Variants in CD163L1 observed in about 807,000 individuals in gnomAD.
CD163L1 encodes scavenger receptor cysteine-rich type 1 protein M160.
In CD163L1, 124 loss-of-function variants were observed where a neutral mutation model predicts 165.4. The observed-to-expected ratio is 0.75, with a 90% CI of 0.65 to 0.87. CD163L1 has a LOEUF of 0.87. CD163L1 is among the 40% of genes least tolerant of loss of function. CD163L1 has a pLI of 0.00. For missense variants in CD163L1, 1,525 were observed against 1,799.9 expected (o/e 0.85, Z 2.76); for synonymous variants, 585 against 662.2 (o/e 0.88, Z 1.79).
chr12:7,398,621 TGAGA>T lies in CD163L1; in HGVS notation c.1409-41_1409-38del. 1 of 1,503,818 alleles carries T rather than the reference TGAGA, an allele frequency of 6.6e-7. No homozygotes were observed. The highest frequency in any genetic ancestry group is 1.4e-5 in the South Asian group (1 of 73,230). 93.2% of individuals were successfully genotyped at this position (1,503,818 alleles called of 1,614,324 possible). On this transcript the variant is annotated intron_variant, in intron 6 of 19. Coordinates refer to ENST00000313599, the MANE Select transcript of CD163L1 (RefSeq NM_174941.6). This position sits in a 1 kb window ranked among gnomAD's most constrained non-coding sequence, Gnocchi z 4.5. ...ACAAAACCACATATTTGAGATCAAA[TGAGA>T]GAGTCTTTTCAGAAGACTGAAAAGA...
chr12:7,396,938 C>A (rs910880359), intron 7 of CD163L1, among the ~76,000 whole-genome samples: 1 of 151,900 alleles, frequency 6.6e-6, no homozygotes, highest in African/African-American at 2.4e-5. Context: ...GATTTTGGTA[C>A]TAATAGTGGT....
At chr12:7,426,644 C>T (rs1948548301) in intron 4 of CD163L1, among the ~76,000 whole-genome samples, 1 of 151,964 alleles carries the variant, frequency 6.6e-6, no homozygotes, top group Non-Finnish European at 1.5e-5. Context: ...CCCCCAAAAC[C>T]AGGTTGATAG....
At position 7,432,361 on chromosome 12, in the gene CD163L1, A is replaced by G; in HGVS notation, c.766+55T>C. On this transcript the variant is annotated intron_variant, in intron 4 of 19. Coordinates refer to ENST00000313599, the MANE Select transcript of CD163L1 (RefSeq NM_174941.6). The surrounding 1 kb of genome is among the most constrained non-coding windows in gnomAD (Gnocchi z 4.2). The stretch of plus-strand genomic sequence containing the variant: ...ATGATTGACCTTTTTCTTTCCATAC[A>G]TACTGTTTCTAAACAAATTGTTCCT... 1 of 1,336,264 alleles carries G rather than the reference A, an allele frequency of 7.5e-7. No homozygotes were observed. The highest frequency in any genetic ancestry group is 1.0e-6 in the Non-Finnish European group (1 of 956,360). 82.8% of individuals were successfully genotyped at this position (1,336,264 alleles called of 1,614,324 possible). A position where few individuals can be genotyped will look rare whatever the true frequency, so the allele number is the denominator to read the frequency against.
chr12:7,336,423 C>A, the CD163L1 span, among the ~76,000 whole-genome samples: 1 of 152,128 alleles, frequency 6.6e-6, no homozygotes, highest in South Asian at 2.1e-4. Flanking sequence ...AAACCAAACA[C>A]CACATGTTCT....
At chr12:7,383,386 C>T (rs1481259902) in intron 8 of CD163L1, among the ~76,000 whole-genome samples, 2 of 152,190 alleles carry the variant, frequency 1.3e-5, no homozygotes, top group Admixed American at 6.5e-5. Flanking sequence ...GTTGGCCTGA[C>T]ACCACTACTG....
At chr12:7,419,572 T>C (rs1948308723) in intron 4 of CD163L1, among the ~76,000 whole-genome samples, 1 of 151,932 alleles carries the variant, frequency 6.6e-6, no homozygotes, top group South Asian at 2.1e-4. Flanking sequence ...CAAGCTGTTG[T>C]TGCTTGCTGA....
chr12:7,439,231 T>C, intron 2 of CD163L1: 4 of 1,578,440 alleles, frequency 2.5e-6, no homozygotes, highest in Middle Eastern at 1.7e-4. Context: ...CGACAAATTT[T>C]CTTTTTTTGT....
chr12:7,358,072 C>G (rs1373859140), intron 18 of CD163L1, among the ~76,000 whole-genome samples: 2 of 152,074 alleles, frequency 1.3e-5, no homozygotes, highest in African/African-American at 4.8e-5. Flanking sequence ...ATCAACAACT[C>G]TTCTTAGGTC....
At position 7,421,049 on chromosome 12, in the gene CD163L1, G is replaced by GTGTA. The variant is rs1948350669; in HGVS notation, c.766+11366_766+11367insTACA. On this transcript the variant is annotated intron_variant, in intron 4 of 19. Coordinates refer to ENST00000313599, the MANE Select transcript of CD163L1 (RefSeq NM_174941.6). The stretch of plus-strand genomic sequence containing the variant: ...CATATATATATACGTGTATATATAT[G>GTGTA]TATATACGTATATATGTATATATAC... Among the ~76,000 whole-genome samples, 6 of 71,558 alleles carry GTGTA rather than the reference G, an allele frequency of 8.4e-5. No individual in the cohort carries two copies. The South Asian group carries it at 2.2e-3, about 27-fold the overall frequency. 46.9% of individuals were successfully genotyped at this position (71,558 alleles called of 152,430 possible).
chr12:7,396,742 C>T (rs1011376406), intron 7 of CD163L1, among the ~76,000 whole-genome samples: 1 of 152,024 alleles, frequency 6.6e-6, no homozygotes, highest in African/African-American at 2.4e-5. Flanking sequence ...CTGCTGGCCT[C>T]CTCTTCAGAT....
At chr12:7,422,834 T>A (rs1948465545) in intron 4 of CD163L1, among the ~76,000 whole-genome samples, 1 of 151,120 alleles carries the variant, frequency 6.6e-6, no homozygotes, top group Non-Finnish European at 1.5e-5. Flanking sequence ...TAAAACCAGT[T>A]CTTTAAGACC....
chr12:7,377,852 T>C (rs959402498), intron 9 of CD163L1, among the ~76,000 whole-genome samples: 1 of 152,232 alleles, frequency 6.6e-6, no homozygotes, highest in African/African-American at 2.4e-5. Flanking sequence ...AGAGCTCCTC[T>C]TTCTTGAATC....
the CD163L1 span, chr12:7,328,585 C>A: frequency 3.7e-5 from 12 of 328,136 alleles, no homozygotes; most frequent in Admixed American, 4.8e-4. Context: ...AATGACCAAA[C>A]TGACAAAGGT....
rs1947243800 is a variant in CD163L1 at position 7,375,398 on chromosome 12, C to T, written c.2884G>A (p.Val962Met). The change falls in exon 11 of 20, where the codon GTG becomes ATG. Residue 962 changes from valine to methionine, a missense_variant. Val to Met is a conservative substitution (Grantham distance 21). Transcript: ENST00000313599. The part of the protein sequence containing the change: ...GKYIGERSVR[V>M]WGHRFHCLGN... ...AAGCAATGAAACCTGTGTCCCCACA[C>T]ACGAACACTTCTTTCTCCAATATAT... 6 of 1,614,206 alleles carry T rather than the reference C, an allele frequency of 3.7e-6. No homozygotes were observed. In the East Asian group the frequency reaches 1.1e-4, roughly 30 times the overall value.
intron 4 of CD163L1, among the ~76,000 whole-genome samples, chr12:7,421,175 G>GTA (rs1238729772): frequency 1.0e-4 from 13 of 130,388 alleles, no homozygotes; most frequent in Admixed American, 4.2e-4. Flanking sequence ...ATGTATATAT[G>GTA]TATATATATG....
chr12:7,384,946 T>C (rs1343662596), intron 8 of CD163L1, among the ~76,000 whole-genome samples: 1 of 151,420 alleles, frequency 6.6e-6, no homozygotes, highest in East Asian at 1.9e-4. Context: ...ATAAAGGATA[T>C]ATAAAACAAC....
chr12:7,350,488 A>T (rs192440675), downstream of CD163L1, among the ~76,000 whole-genome samples: 71 of 152,258 alleles, frequency 4.7e-4, no homozygotes, highest in African/African-American at 1.5e-3. Context: ...ATATTCATCT[A>T]TCCATCCATT....
chr12:7,347,873 A>G lies in CD163L1; in HGVS notation c.*25-726T>C, dbSNP rs1000677903. Among the ~76,000 whole-genome samples the G allele has an allele frequency of 2.6e-5, 4 of 152,256 alleles. No individual in the cohort carries two copies. The highest frequency in any genetic ancestry group is 9.6e-5 in the African/African-American group (4 of 41,478). On this transcript the variant is annotated intron_variant, in intron 4 of 4. Coordinates refer to the CD163L1 transcript ENST00000539726. This position sits in a 1 kb window ranked among gnomAD's most constrained non-coding sequence, Gnocchi z 4.2. The stretch of plus-strand genomic sequence containing the variant: ...CATTCCCTTGATAAAATAATAACAA[A>G]TATAAAATTAAAAACTGGTTGCATT...
the CD163L1 span, chr12:7,323,678 G>A: frequency 1.1e-5 from 9 of 850,398 alleles, 1 homozygote; most frequent in South Asian, 1.4e-4. Context: ...ACTGTAAAAT[G>A]GGGAGACTAT....
Sources: allele counts gnomAD v4.1 joint callset (sites outside exome capture counted in the v4.1 genomes callset), GRCh38; gene constraint gnomAD v4.1.1; non-coding constraint Gnocchi (gnomAD v3.1); transcripts MANE v1.5; gene names NCBI Gene and HGNC (gene_info 2026-07-23, HGNC 2026-07-21).